EHBP1: variants seen among roughly 807,000 people sequenced by gnomAD.
The protein encoded by EHBP1 is EH domain-binding protein 1.
Under a neutral mutation model 144.0 loss-of-function variants are expected in EHBP1, and 55 were observed. The ratio of observed to expected loss-of-function variants is 0.38; its 90% CI spans 0.31 to 0.48. The LOEUF (loss-of-function observed/expected upper bound fraction) is 0.48. EHBP1 is among the 20% of genes least tolerant of loss of function. EHBP1 has a pLI of 0.98. For synonymous variants in EHBP1, 469 were observed against 472.7 expected, an observed-to-expected ratio of 0.99 and a Z score of 0.10; for missense variants, 1,200 against 1,364.2, an observed-to-expected ratio of 0.88 and a Z score of 1.90.
rs528539184 is a variant in EHBP1, at chr2:63,024,071, C to T, written c.3104-13464C>T. On this transcript the variant is annotated intron_variant, in intron 19 of 22. Transcript: ENST00000431489. ...GGCCAAAGTGGGAGGATCAGCCAGG[C>T]GCGGTGGCTCACACCTGTAATCCCA... 1.1e-4 allele frequency among the ~76,000 whole-genome samples: 17 copies of T among 152,204 alleles called. No individual in the cohort carries two copies. The South Asian group carries it at 1.9e-3, about 17-fold the overall frequency.
At chr2:62,674,280 G>A (rs2033206850) in intron 1 of EHBP1, among the ~76,000 whole-genome samples, 1 of 152,094 alleles carries the variant, frequency 6.6e-6, no homozygotes, top group Middle Eastern at 3.2e-3. Context: ...TAAAAATTTA[G>A]CACGTAACTA....
At chr2:62,832,509 T>G (rs1331563685) in intron 7 of EHBP1, among the ~76,000 whole-genome samples, 1 of 151,350 alleles carries the variant, frequency 6.6e-6, no homozygotes, top group Non-Finnish European at 1.5e-5. Flanking sequence ...ATCAGCTTAG[T>G]CTGTTTAGTC....
intron 19 of EHBP1, among the ~76,000 whole-genome samples, chr2:63,017,908 A>G (rs564203879): frequency 1.3e-5 from 2 of 152,334 alleles, no homozygotes; most frequent in African/African-American, 4.8e-5. Context: ...ACCCACCTGT[A>G]ATCCCAGCAC....
chr2:62,834,334 G>GATTC, intron 7 of EHBP1, among the ~76,000 whole-genome samples: 1 of 152,300 alleles, frequency 6.6e-6, no homozygotes, highest in African/African-American at 2.4e-5. Context: ...ATGAAAGGAG[G>GATTC]ATTCAATTGA....
chr2:62,881,141 C>T (rs961126320), intron 10 of EHBP1, among the ~76,000 whole-genome samples: 5 of 151,926 alleles, frequency 3.3e-5, no homozygotes, highest in East Asian at 3.9e-4. Context: ...AACTCAGGAA[C>T]GGAAAACCAA....
chr2:62,774,844 C>CAAACA (rs1263694675), intron 5 of EHBP1, among the ~76,000 whole-genome samples: 11 of 151,884 alleles, frequency 7.2e-5, no homozygotes, highest in African/African-American at 4.8e-5. Flanking sequence ...AACCCTGTCT[C>CAAACA]AAACAAAACA....
intron 5 of EHBP1, among the ~76,000 whole-genome samples, chr2:62,780,634 A>G (rs2152411934): frequency 6.6e-6 from 1 of 152,310 alleles, no homozygotes; most frequent in African/African-American, 2.4e-5. Flanking sequence ...ACTTAAAAAA[A>G]GAGGTATGCC....
At chr2:62,950,131 CT>C (rs952538490) in intron 13 of EHBP1, among the ~76,000 whole-genome samples, 60 of 145,262 alleles carry the variant, frequency 4.1e-4, no homozygotes, top group African/African-American at 4.0e-4. Flanking sequence ...GTTGGTATTC[CT>C]TTTTTTTTTT....
chr2:62,878,924 A>G (rs2051125322), intron 10 of EHBP1, among the ~76,000 whole-genome samples: 1 of 152,010 alleles, frequency 6.6e-6, no homozygotes, highest in South Asian at 2.1e-4. Context: ...AGGCTGAGGC[A>G]AGAGAATCAC....
intron 10 of EHBP1, among the ~76,000 whole-genome samples, chr2:62,935,536 GT>G (rs1416325597): frequency 6.6e-6 from 1 of 151,704 alleles, no homozygotes; most frequent in African/African-American, 2.4e-5. Flanking sequence ...AATACAGTTG[GT>G]TTTGTACATT....
intron 2 of EHBP1, among the ~76,000 whole-genome samples, chr2:62,736,046 T>C (rs2038088901): frequency 6.6e-6 from 1 of 152,072 alleles, no homozygotes; most frequent in South Asian, 2.1e-4. Context: ...TGTGGTTTGG[T>C]GTCTGACTTT....
At chr2:62,953,304 T>G (rs1181555754) in intron 13 of EHBP1, among the ~76,000 whole-genome samples, 1 of 151,546 alleles carries the variant, frequency 6.6e-6, no homozygotes, top group Non-Finnish European at 1.5e-5. Flanking sequence ...AGTAAAAAAT[T>G]GTGTGCAACC....
At chr2:62,762,428 C>T (rs138682034) in intron 3 of EHBP1, among the ~76,000 whole-genome samples, 4 of 152,288 alleles carry the variant, frequency 2.6e-5, no homozygotes, top group East Asian at 1.9e-4. Context: ...GCTCCAGACA[C>T]GTAATCCAGC....
chr2:62,989,231 C>T (rs955204077), intron 15 of EHBP1, among the ~76,000 whole-genome samples: 4 of 151,938 alleles, frequency 2.6e-5, no homozygotes, highest in African/African-American at 9.7e-5. Flanking sequence ...TTGTTGCTTA[C>T]TCACCTTCCC....
intron 3 of EHBP1, among the ~76,000 whole-genome samples, chr2:62,748,406 C>G (rs2039357633): frequency 6.6e-6 from 1 of 152,082 alleles, no homozygotes; most frequent in Non-Finnish European, 1.5e-5. Flanking sequence ...GTAATCCTGG[C>G]ACTTTGGGAG....
intron 14 of EHBP1, among the ~76,000 whole-genome samples, chr2:62,972,101 C>T (rs1186680351): frequency 6.6e-6 from 1 of 152,156 alleles, no homozygotes; most frequent in Non-Finnish European, 1.5e-5. Flanking sequence ...TGCCTTACCT[C>T]TGCAACCCAG....
At position 63,024,734 on chromosome 2, in the gene EHBP1, G is replaced by A. The variant is rs535691676; in HGVS notation, c.3104-12801G>A. ...CTATTCAAAAGTAGAATACTGGTTG[G>A]GCATGGTGGTTCACACCTGTAATCC... On this transcript the variant is annotated intron_variant, in intron 19 of 22. Coordinates refer to ENST00000431489, the MANE Select transcript of EHBP1 (RefSeq NM_001142616.3). Among the ~76,000 whole-genome samples, 3 of 152,222 alleles carry A rather than the reference G, an allele frequency of 2.0e-5. 1 individual carries two copies. Among genetic ancestry groups the A allele is most frequent in the African/African-American group, 7.2e-5 (3 of 41,536 alleles).
chr2:62,876,902 C>A (rs2050931360), intron 10 of EHBP1, among the ~76,000 whole-genome samples: 2 of 151,938 alleles, frequency 1.3e-5, no homozygotes, highest in South Asian at 4.2e-4. Flanking sequence ...CAGAGACAAA[C>A]CATATCAACC....
At chr2:62,920,244 A>G (rs1033254586) in intron 10 of EHBP1, among the ~76,000 whole-genome samples, 1 of 152,214 alleles carries the variant, frequency 6.6e-6, no homozygotes, top group Non-Finnish European at 1.5e-5. Flanking sequence ...GAAGTGACTC[A>G]TCAGAAAGGA....
Sources: gnomAD v4.1 joint callset for allele counts (sites outside exome capture counted in the v4.1 genomes callset) on GRCh38, gnomAD v4.1.1 for gene constraint, MANE v1.5 for transcripts, NCBI Gene and HGNC (gene_info 2026-07-23, HGNC 2026-07-21) for gene names.